GSE1: variants seen among roughly 807,000 people sequenced by gnomAD.
GSE1 encodes genetic suppressor element 1.
Under a neutral mutation model 112.6 loss-of-function variants are expected in GSE1, and 32 were observed. The observed-to-expected ratio is 0.28, with a 90% CI of 0.21 to 0.38. The LOEUF is 0.38. Among genes scored for constraint, GSE1 ranks in the 10% least tolerant of loss-of-function variants. GSE1 has a pLI of 1.00. For missense variants in GSE1, 2,348 were observed against 1,699.2 expected, an observed-to-expected ratio of 1.38 and a Z score of -6.71; for synonymous variants, 1,115 against 735.6, an observed-to-expected ratio of 1.52 and a Z score of -8.35.
At position 85,622,402 on chromosome 16, in the gene GSE1, C is replaced by T. The variant is rs376047958; in HGVS notation, c.7+9004C>T. 1.1e-3 allele frequency among the ~76,000 whole-genome samples: 161 copies of T among 152,276 alleles called. 1 individual carries two copies. The highest frequency in any genetic ancestry group is 3.6e-3 in the African/African-American group (149 of 41,542). Reference sequence around the variant, plus strand: ...TTTCTTTTTCCACCCTGTATTTCCTCTGTCCAGGCAGGTCATATTGGGGAG... The same window carrying T: ...TTTCTTTTTCCACCCTGTATTTCCTTTGTCCAGGCAGGTCATATTGGGGAG... On this transcript the variant is annotated intron_variant, in intron 1 of 15. Coordinates refer to ENST00000253458, the MANE Select transcript of GSE1 (RefSeq NM_014615.5).
At chr16:85,454,127 C>T (rs1376582708) in intron 2 of GSE1, among the ~76,000 whole-genome samples, 2 of 152,310 alleles carry the variant, frequency 1.3e-5, no homozygotes, top group East Asian at 3.9e-4. Flanking sequence ...TGGTGGTAAC[C>T]CTGCTTTCCA....
chr16:85,632,786 C>G (rs2049649786), intron 1 of GSE1, among the ~76,000 whole-genome samples: 1 of 152,122 alleles, frequency 6.6e-6, no homozygotes, highest in African/African-American at 2.4e-5. Flanking sequence ...CCCCCCCGCC[C>G]CAAGATGCAT....
chr16:85,515,545 G>C (rs1361917255), intron 2 of GSE1, among the ~76,000 whole-genome samples: 1 of 152,056 alleles, frequency 6.6e-6, no homozygotes, highest in Non-Finnish European at 1.5e-5. Flanking sequence ...GCTGGTCTTA[G>C]CCTGGCCTGT....
At chr16:85,218,859 A>G (rs926967830) in intron 1 of GSE1, among the ~76,000 whole-genome samples, 7 of 152,038 alleles carry the variant, frequency 4.6e-5, no homozygotes, top group Admixed American at 1.3e-4. Context: ...TGTCCTTCCT[A>G]TGTATTCTGA....
At chr16:85,629,681 C>T (rs908703391) in intron 1 of GSE1, among the ~76,000 whole-genome samples, 7 of 152,170 alleles carry the variant, frequency 4.6e-5, no homozygotes, top group African/African-American at 1.4e-4. Context: ...GTGGCTGGCT[C>T]TCTGAGGAAT....
At chr16:85,549,184 T>G (rs1426210240) in intron 2 of GSE1, among the ~76,000 whole-genome samples, 2 of 151,886 alleles carry the variant, frequency 1.3e-5, no homozygotes, top group Non-Finnish European at 1.5e-5. Flanking sequence ...TCTTCTTTTT[T>G]TTTTTTTGAG....
chr16:85,451,468 G>T (rs11642812), intron 2 of GSE1, among the ~76,000 whole-genome samples: 2 of 93,918 alleles, frequency 2.1e-5, no homozygotes, highest in East Asian at 3.3e-4. Context: ...TGGTGCGTGC[G>T]CTGGTGGTGG....
chr16:85,617,012 C>G (rs1181588484), intron 1 of GSE1, among the ~76,000 whole-genome samples: 1 of 152,220 alleles, frequency 6.6e-6, no homozygotes, highest in Non-Finnish European at 1.5e-5. Context: ...AGCCTCTTCT[C>G]TCACGCCCTC....
chr16:85,629,875 C>T (rs564176995), intron 1 of GSE1, among the ~76,000 whole-genome samples: 13 of 152,292 alleles, frequency 8.5e-5, no homozygotes, highest in South Asian at 2.1e-4. Context: ...AGTTATCTAG[C>T]GTTGTGTGAC....
chr16:85,263,373 G>A (rs1386874741), intron 1 of GSE1, among the ~76,000 whole-genome samples: 1 of 152,066 alleles, frequency 6.6e-6, no homozygotes, highest in Non-Finnish European at 1.5e-5. Flanking sequence ...TCAGGCTGCT[G>A]GCAGTACTGG....
At chr16:85,245,727 C>G (rs904761685) in intron 1 of GSE1, among the ~76,000 whole-genome samples, 4 of 152,116 alleles carry the variant, frequency 2.6e-5, no homozygotes, top group African/African-American at 9.7e-5. Flanking sequence ...AAAAAGTGTC[C>G]TCTGATTAGA....
intron 1 of GSE1, among the ~76,000 whole-genome samples, chr16:85,589,358 CCCTGGACGCTGGGCAGAG>C (rs935649228): frequency 1.3e-4 from 20 of 152,102 alleles, no homozygotes; most frequent in African/African-American, 4.3e-4. Flanking sequence ...GACCTGAGAG[CCCTGGACGCTGGGCAGAG>C]CCTGGATGCT....
At chr16:85,463,264 G>T (rs928966321) in intron 2 of GSE1, 13 of 222,920 alleles carry the variant, frequency 5.8e-5, no homozygotes, top group African/African-American at 2.6e-4. Flanking sequence ...TCACCTTCAG[G>T]CCACGCACGT....
At chr16:85,499,295 C>CTTTTTTTTTTTTTTTTTT in intron 2 of GSE1, among the ~76,000 whole-genome samples, 1 of 77,194 alleles carries the variant, frequency 1.3e-5, no homozygotes, top group African/African-American at 5.1e-5. Flanking sequence ...GGAAAGTCAC[C>CTTTTTTTTTTTTTTTTTT]TTTTTTTTTT....
chr16:85,586,773 C>T (rs1040180085), intron 1 of GSE1, among the ~76,000 whole-genome samples: 1 of 152,216 alleles, frequency 6.6e-6, no homozygotes, highest in Non-Finnish European at 1.5e-5. Flanking sequence ...CTGCAGGAAA[C>T]CCCGGAGCCG....
chr16:85,445,055 CTT>C (rs1426924938), intron 2 of GSE1, among the ~76,000 whole-genome samples: 2 of 152,250 alleles, frequency 1.3e-5, no homozygotes, highest in Non-Finnish European at 2.9e-5. Flanking sequence ...CGGGGGCTGT[CTT>C]TTCTGCACGC....
chr16:85,172,438 C>G (rs1017838170), intron 1 of GSE1, among the ~76,000 whole-genome samples: 2 of 152,238 alleles, frequency 1.3e-5, no homozygotes, highest in Admixed American at 6.5e-5. Flanking sequence ...CTCTGCAAGT[C>G]AGCTGTGCAG....
chr16:85,465,689 C>T (rs1455145762), intron 2 of GSE1, among the ~76,000 whole-genome samples: 1 of 152,214 alleles, frequency 6.6e-6, no homozygotes, highest in Non-Finnish European at 1.5e-5. Context: ...CTCCTGCCTC[C>T]TCATGGTCTA....
intron 1 of GSE1, among the ~76,000 whole-genome samples, chr16:85,269,949 G>A (rs1331081474): frequency 6.7e-6 from 1 of 149,608 alleles, no homozygotes; most frequent in Non-Finnish European, 1.5e-5. Context: ...GGTTTGCATA[G>A]TGAGCCCGTG....
Sources: allele counts gnomAD v4.1 joint callset (sites outside exome capture counted in the v4.1 genomes callset), GRCh38; gene constraint gnomAD v4.1.1; transcripts MANE v1.5; gene names NCBI Gene and HGNC (gene_info 2026-07-23, HGNC 2026-07-21).